The following ARHGEF10 variants were observed in gnomAD, a reference collection of about 807,000 sequenced individuals.
ARHGEF10 encodes the protein Rho guanine nucleotide exchange factor (GEF) 10.
A neutral mutation model predicts 147.4 loss-of-function variants in ARHGEF10; 140 were observed. The ratio of observed to expected loss-of-function variants is 0.95; its 90% CI spans 0.83 to 1.09. The LOEUF (loss-of-function observed/expected upper bound fraction) is 1.09, where lower values mean the gene tolerates loss of function less well. Among genes scored for constraint, ARHGEF10 ranks in the 50% least tolerant of loss-of-function variants. The pLI is 0.00. For missense variants in ARHGEF10, 2,222 were observed against 1,752.7 expected, an observed-to-expected ratio of 1.27 and a Z score of -4.78; for synonymous variants, 902 against 695.8, an observed-to-expected ratio of 1.30 and a Z score of -4.67.
At chr8:1,823,649 G>A (rs1254481759), upstream of ARHGEF10, among the ~76,000 whole-genome samples, 3 of 151,612 alleles carry the variant, frequency 2.0e-5, no homozygotes, top group Admixed American at 6.6e-5. Context: ...TCTGCCCAGC[G>A]ACCCCTCCCG....
At chr8:1,913,684 C>A (rs941311905) in intron 18 of ARHGEF10, among the ~76,000 whole-genome samples, 1 of 152,210 alleles carries the variant, frequency 6.6e-6, no homozygotes, top group South Asian at 2.1e-4. Context: ...CGCTGCCTCC[C>A]TGTGTGTTCT....
intron 11 of ARHGEF10, among the ~76,000 whole-genome samples, chr8:1,888,340 A>G (rs1808962259): frequency 8.2e-6 from 1 of 121,222 alleles, no homozygotes; most frequent in Non-Finnish European, 1.8e-5. Context: ...GACTGTGAGG[A>G]GACACTGAGT....
At chr8:1,848,190 C>G (rs941613801) in intron 2 of ARHGEF10, among the ~76,000 whole-genome samples, 3 of 152,258 alleles carry the variant, frequency 2.0e-5, no homozygotes, top group African/African-American at 7.2e-5. Context: ...TTGTCGTCCT[C>G]TCTTCAGTAT....
At chr8:1,918,763 C>T (rs768851174) in intron 18 of ARHGEF10, among the ~76,000 whole-genome samples, 7 of 152,206 alleles carry the variant, frequency 4.6e-5, no homozygotes, top group African/African-American at 1.7e-4. Context: ...AATCTGTGCA[C>T]CTGTGAATCC....
chr8:1,848,747 A>G (rs1296808310), intron 2 of ARHGEF10, among the ~76,000 whole-genome samples: 1 of 152,198 alleles, frequency 6.6e-6, no homozygotes, highest in Non-Finnish European at 1.5e-5. Context: ...TTAAAATTTT[A>G]TTGAATATTC....
chr8:1,917,601 G>A (rs1047094875), intron 18 of ARHGEF10, among the ~76,000 whole-genome samples: 2 of 152,138 alleles, frequency 1.3e-5, no homozygotes, highest in Non-Finnish European at 2.9e-5. Context: ...CAAGAGAAGC[G>A]TCCGTGAGAA....
At position 1,957,129 on chromosome 8, in the gene ARHGEF10, G is replaced by T; in HGVS notation, c.3901G>T (p.Ala1301Ser). The T allele has an allele frequency of 1.2e-6, 2 of 1,613,016 alleles. No individual in the cohort carries two copies. Among genetic ancestry groups the T allele is most frequent in the Non-Finnish European group, 1.7e-6 (2 of 1,180,050 alleles). The change falls in exon 29 of 29, where the codon GCC (alanine) becomes TCC (serine). Residue 1301 changes from alanine to serine, a missense_variant. Transcript: ENST00000349830. ...AAGCAAAGCACGCCGGGCCAAGAAA[G>T]CCAAGGCCAGCTCGGCGCTGGTGGT... ...LRSKARRAKK[A>S]KASSALVVCG...
At chr8:1,904,940 A>G (rs1329812062) in intron 16 of ARHGEF10, among the ~76,000 whole-genome samples, 2 of 152,092 alleles carry the variant, frequency 1.3e-5, no homozygotes, top group African/African-American at 4.8e-5. Context: ...AACCAACATG[A>G]CAAAACCCCG....
chr8:1,930,408 C>T (rs922848987), intron 25 of ARHGEF10, among the ~76,000 whole-genome samples: 7 of 152,158 alleles, frequency 4.6e-5, no homozygotes, highest in Non-Finnish European at 8.8e-5. Flanking sequence ...AGCGTAGCCT[C>T]GCCTTCATTC....
In ARHGEF10 at chr8:1,925,378, ATGG is replaced by A. The variant is rs1234605134; in HGVS notation, c.2588_2590del (p.Val863del). On this transcript the variant is annotated inframe_deletion, in exon 22 of 29. Transcript: ENST00000349830. The stretch of plus-strand genomic sequence containing the variant: ...TCTCCTCGTCGGACACATGCCCGTG[ATGG>A]TGGCCAAGCAGCAGGAGTTCAAGGT... 4 of 1,614,034 alleles carry A rather than the reference ATGG, an allele frequency of 2.5e-6. No individual in the cohort carries two copies. The highest frequency in any genetic ancestry group is 3.4e-6 in the Non-Finnish European group (4 of 1,180,042).
Position 1,866,510 on chromosome 8 carries a change from G to C in ARHGEF10, c.546-16G>C, listed in dbSNP as rs768185010. The C allele has an allele frequency of 6.2e-7, 1 of 1,612,184 alleles. No individual in the cohort carries two copies. The highest frequency in any genetic ancestry group is 1.7e-5 in the Admixed American group (1 of 60,004). ...TGTGCCTGGATATTCTGACTTTATG[G>C]TTTGTTTTCTTTAAGTGAAGATCAA... is the stretch of plus-strand genomic sequence containing the variant. On this transcript the variant is annotated splice_polypyrimidine_tract_variant and intron_variant, in intron 5 of 28. Coordinates refer to ENST00000349830, the MANE Select transcript of ARHGEF10 (RefSeq NM_014629.4).
At chr8:1,836,941 G>A (rs1205739761) in intron 1 of ARHGEF10, among the ~76,000 whole-genome samples, 3 of 152,266 alleles carry the variant, frequency 2.0e-5, no homozygotes, top group East Asian at 1.9e-4. Context: ...CGTAAGAAGT[G>A]CCTTTCACCT....
rs769063684 is a variant in ARHGEF10 at position 1,957,270 on chromosome 8, C to A, written c.*7C>A. On this transcript the variant is annotated 3_prime_UTR_variant, in exon 29 of 29. Coordinates refer to ENST00000349830, the MANE Select transcript of ARHGEF10 (RefSeq NM_014629.4). ...CCCTCTGCTGAATATATAAGCAGGACGGCCGCCTTCTGCTGTCAGAATTTG... is the reference window on the plus strand; with the variant it reads ...CCCTCTGCTGAATATATAAGCAGGAAGGCCGCCTTCTGCTGTCAGAATTTG... The A allele has an allele frequency of 6.2e-7, 1 of 1,605,888 alleles. No homozygotes were observed. Among genetic ancestry groups the A allele is most frequent in the African/African-American group, 1.3e-5 (1 of 74,850 alleles).
intron 1 of ARHGEF10, among the ~76,000 whole-genome samples, chr8:1,825,477 G>A (rs918071704): frequency 8.4e-6 from 1 of 119,686 alleles, no homozygotes; most frequent in African/African-American, 3.3e-5. Context: ...CACCCCAGCT[G>A]TCCCTCGCAC....
chr8:1,882,920 C>T lies in ARHGEF10; in HGVS notation c.1075+171C>T, dbSNP rs145513017. 2.0e-3 allele frequency among the ~76,000 whole-genome samples: 306 copies of T among 152,316 alleles called. 6 individuals carry two copies. The East Asian group carries it at 0.053, about 26-fold the overall frequency. ...TCAGCCCTGCTGACCCCAGCCTCCCCGTCCTGCAGGGGTGGCGTTTTAGAC... is the reference window on the plus strand; with the variant it reads ...TCAGCCCTGCTGACCCCAGCCTCCCTGTCCTGCAGGGGTGGCGTTTTAGAC... On this transcript the variant is annotated intron_variant, in intron 10 of 28. Coordinates refer to ENST00000349830, the MANE Select transcript of ARHGEF10 (RefSeq NM_014629.4).
chr8:1,945,826 C>A, intron 27 of ARHGEF10, 171 bp downstream of exon 27: 1 of 1,038,164 alleles, frequency 9.6e-7, no homozygotes, highest in Non-Finnish European at 1.4e-6. Context: ...GAGTACGGAG[C>A]ATGGTCAGCC....
chr8:1,865,225 C>G (rs1806480290), intron 5 of ARHGEF10, among the ~76,000 whole-genome samples: 1 of 152,228 alleles, frequency 6.6e-6, no homozygotes, highest in South Asian at 2.1e-4. Flanking sequence ...GGGGCTGCAT[C>G]CTAATTTCAC....
intron 2 of ARHGEF10, among the ~76,000 whole-genome samples, chr8:1,850,200 A>G (rs112468325): frequency 0.023 from 874 of 38,798 alleles, no homozygotes; most frequent in South Asian, 0.051. Flanking sequence ...TGGGGCGGCC[A>G]CATGGGCATG....
chr8:1,861,475 T>G (rs1585302227), intron 4 of ARHGEF10, among the ~76,000 whole-genome samples: 1 of 152,204 alleles, frequency 6.6e-6, no homozygotes, highest in Non-Finnish European at 1.5e-5. Flanking sequence ...CCAGATCTGT[T>G]TCTATGCTGT....
Sources: allele counts gnomAD v4.1 joint callset (sites outside exome capture counted in the v4.1 genomes callset), GRCh38; gene constraint gnomAD v4.1.1; transcripts MANE v1.5; gene names NCBI Gene and HGNC (gene_info 2026-07-23, HGNC 2026-07-21).